The following SAMMSON variants were observed in gnomAD, a reference collection of about 807,000 sequenced individuals.
SAMMSON encodes long intergenic non-protein coding RNA 1212.
At chr3:70,116,728 G>C (rs889964850) in intron 4 of SAMMSON, among the ~76,000 whole-genome samples, 1 of 152,018 alleles carries the variant, frequency 6.6e-6, no homozygotes, top group African/African-American at 2.4e-5. Context: ...GAAGAAAAGG[G>C]ATAGAAACAA....
intron 4 of SAMMSON, among the ~76,000 whole-genome samples, chr3:70,185,099 T>C (rs1056613946): frequency 3.7e-4 from 57 of 152,186 alleles, no homozygotes; most frequent in African/African-American, 1.3e-3. Context: ...AACATATCCA[T>C]GTGTTTTTGG....
intron 4 of SAMMSON, among the ~76,000 whole-genome samples, chr3:70,186,557 G>A (rs372708987): frequency 3.3e-5 from 5 of 152,068 alleles, no homozygotes; most frequent in Admixed American, 6.6e-5. Context: ...GATTACAGGC[G>A]TGAGCCAGCA....
rs372064208 is a variant in SAMMSON, at chr3:70,313,055, T to C, written n.739+21812T>C. 4.6e-5 allele frequency among the ~76,000 whole-genome samples: 7 copies of C among 152,290 alleles called. 1 individual carries two copies. Among genetic ancestry groups the C allele is most frequent in the African/African-American group, 1.7e-4 (7 of 41,562 alleles). ...AAGTGAGTGTTTTTTCCACCTAATA[T>C]TTTATAAACAACAAGAAAACATTTC... On this transcript the variant is annotated intron_variant and non_coding_transcript_variant, in intron 7 of 9. Transcript: ENST00000642114.
intron 2 of SAMMSON, among the ~76,000 whole-genome samples, chr3:70,403,097 G>A (rs973363007): frequency 4.6e-5 from 7 of 152,190 alleles, no homozygotes; most frequent in Admixed American, 4.6e-4. Context: ...GTTTAGGGAG[G>A]TGCAGAAAAA....
At chr3:70,372,705 C>G (rs1342402600) in intron 9 of SAMMSON, among the ~76,000 whole-genome samples, 1 of 152,152 alleles carries the variant, frequency 6.6e-6, no homozygotes, top group Non-Finnish European at 1.5e-5. Context: ...TCTTTTCTTT[C>G]TAGTTCCTCA....
intron 7 of SAMMSON, among the ~76,000 whole-genome samples, chr3:70,299,152 G>A (rs1470757942): frequency 6.6e-6 from 1 of 152,060 alleles, no homozygotes; most frequent in Non-Finnish European, 1.5e-5. Flanking sequence ...TAGGTAATTG[G>A]TTACATATAT....
At chr3:70,257,354 A>C (rs1701827204) in intron 6 of SAMMSON, among the ~76,000 whole-genome samples, 2 of 152,164 alleles carry the variant, frequency 1.3e-5, no homozygotes, top group South Asian at 4.1e-4. Context: ...GTTTTAAGGA[A>C]TTAGGTTTAG....
chr3:70,402,773 T>G (rs1701150156), intron 2 of SAMMSON, among the ~76,000 whole-genome samples: 1 of 151,786 alleles, frequency 6.6e-6, no homozygotes, highest in African/African-American at 2.4e-5. Context: ...AAGGCAGGAG[T>G]ATCACTCAAA....
chr3:70,378,387 A>AT (rs1404313917), intron 9 of SAMMSON, among the ~76,000 whole-genome samples: 1 of 152,042 alleles, frequency 6.6e-6, no homozygotes, highest in Non-Finnish European at 1.5e-5. Flanking sequence ...TTGTACTTAT[A>AT]TAAAAATAAG....
chr3:70,236,574 G>C (rs925817957), intron 4 of SAMMSON, among the ~76,000 whole-genome samples: 4 of 152,092 alleles, frequency 2.6e-5, no homozygotes, highest in African/African-American at 9.7e-5. Flanking sequence ...TTTGGGGCCT[G>C]TAAATTGACC....
intron 1 of SAMMSON, among the ~76,000 whole-genome samples, chr3:70,011,059 A>G (rs2066953240): frequency 6.6e-6 from 1 of 152,146 alleles, no homozygotes; most frequent in African/African-American, 2.4e-5. Flanking sequence ...TCAGCCGTAT[A>G]CTGCCCTGGT....
intron 4 of SAMMSON, among the ~76,000 whole-genome samples, chr3:70,085,585 C>A (rs953544468): frequency 2.6e-5 from 4 of 152,160 alleles, no homozygotes; most frequent in African/African-American, 9.7e-5. Context: ...GGGACCTCTT[C>A]TTGATATATT....
chr3:70,225,006 G>A (rs944252151), intron 4 of SAMMSON, among the ~76,000 whole-genome samples: 3 of 152,062 alleles, frequency 2.0e-5, no homozygotes, highest in African/African-American at 7.2e-5. Context: ...ATGTTGATAC[G>A]TGTACTCAAG....
At chr3:70,291,490 C>G (rs1353447170) in intron 7 of SAMMSON, among the ~76,000 whole-genome samples, 5 of 152,206 alleles carry the variant, frequency 3.3e-5, no homozygotes, top group African/African-American at 9.6e-5. Context: ...TCTTCTACTT[C>G]TCACATTGTA....
intron 6 of SAMMSON, among the ~76,000 whole-genome samples, chr3:70,288,777 C>T (rs1330563505): frequency 6.6e-6 from 1 of 151,764 alleles, no homozygotes; most frequent in Non-Finnish European, 1.5e-5. Context: ...GGATAGTTAG[C>T]TCTTCTTGTT....
intron 6 of SAMMSON, among the ~76,000 whole-genome samples, chr3:70,257,961 G>A (rs1490856385): frequency 1.3e-5 from 2 of 152,230 alleles, no homozygotes; most frequent in East Asian, 1.9e-4. Flanking sequence ...TGAAGAGTTC[G>A]GAAATAAAGC....
intron 4 of SAMMSON, among the ~76,000 whole-genome samples, chr3:70,131,775 G>C (rs1373635906): frequency 6.6e-6 from 1 of 151,732 alleles, no homozygotes; most frequent in Non-Finnish European, 1.5e-5. Flanking sequence ...GTAGAGGTAG[G>C]GTCTCACTAA....
intron 6 of SAMMSON, among the ~76,000 whole-genome samples, chr3:70,282,306 T>C (rs565129796): frequency 6.6e-6 from 1 of 152,260 alleles, no homozygotes; most frequent in African/African-American, 2.4e-5. Flanking sequence ...CTTAAGAAGA[T>C]GTATCCACCA....
At chr3:70,005,114 T>C (rs923365782) in intron 1 of SAMMSON, among the ~76,000 whole-genome samples, 6 of 152,190 alleles carry the variant, frequency 3.9e-5, no homozygotes, top group Non-Finnish European at 5.9e-5. Flanking sequence ...TGAAATTTCA[T>C]TGAAGGGAAG....
Sources: allele counts gnomAD v4.1 joint callset (sites outside exome capture counted in the v4.1 genomes callset), GRCh38; gene constraint gnomAD v4.1.1; transcripts MANE v1.5; gene names NCBI Gene and HGNC (gene_info 2026-07-23, HGNC 2026-07-21).